UBE3D: variants seen among roughly 807,000 people sequenced by gnomAD.
UBE3D encodes E3 ubiquitin-protein ligase E3D.
UBE3D carries 48 observed loss-of-function variants against 49.6 expected under a neutral mutation model. That is an observed-to-expected ratio of 0.97 (90% CI 0.77 to 1.23). The LOEUF (loss-of-function observed/expected upper bound fraction) is 1.23, where lower values mean the gene tolerates loss of function less well. UBE3D is among the 50% of genes most tolerant of loss of function. UBE3D has a pLI of 0.00. For missense variants in UBE3D, 452 were observed against 468.4 expected (o/e 0.96, Z 0.32); for synonymous variants, 189 against 174.2 (o/e 1.08, Z -0.67).
chr6:82,988,195 G>T (rs1433587680), intron 8 of UBE3D, among the ~76,000 whole-genome samples: 2 of 152,120 alleles, frequency 1.3e-5, no homozygotes, highest in Non-Finnish European at 2.9e-5. Context: ...TTCTTCTGGG[G>T]AAGGATAAAA....
chr6:83,044,839 A>T (rs1263314171), intron 3 of UBE3D, among the ~76,000 whole-genome samples, 180 bp from the exon 4 acceptor site: 1 of 152,258 alleles, frequency 6.6e-6, no homozygotes, highest in Non-Finnish European at 1.5e-5. Flanking sequence ...GCAAGGAGGT[A>T]TAAACAAGGA....
chr6:82,884,981 T>G, the UBE3D span, among the ~76,000 whole-genome samples: 1 of 152,320 alleles, frequency 6.6e-6, no homozygotes, highest in African/African-American at 2.4e-5. Context: ...TAAAGATTTT[T>G]GCAAAAGCTT....
chr6:83,053,851 A>G (rs1166044222), intron 3 of UBE3D, among the ~76,000 whole-genome samples: 1 of 152,224 alleles, frequency 6.6e-6, no homozygotes, highest in African/African-American at 2.4e-5. Flanking sequence ...GAAATGTGAC[A>G]GGTCCCATGT....
At chr6:82,901,342 A>G (rs1201287414) in intron 9 of UBE3D, among the ~76,000 whole-genome samples, 1 of 151,970 alleles carries the variant, frequency 6.6e-6, no homozygotes, top group Non-Finnish European at 1.5e-5. Flanking sequence ...ATTGACTGAC[A>G]GTCCCAGGAA....
At chr6:83,026,463 T>A (rs1781467736) in intron 5 of UBE3D, among the ~76,000 whole-genome samples, 2 of 151,968 alleles carry the variant, frequency 1.3e-5, no homozygotes, top group South Asian at 4.2e-4. Context: ...TAAAATAGTG[T>A]TGTCAAACAA....
chr6:82,993,136 G>GAC (rs1299157574), intron 8 of UBE3D, among the ~76,000 whole-genome samples: 112 of 151,840 alleles, frequency 7.4e-4, no homozygotes, highest in African/African-American at 2.4e-3. Context: ...GAGAGAGAGA[G>GAC]AGAGACAGAG....
chr6:83,058,084 G>C lies in UBE3D; in HGVS notation c.78-62C>G. 3.2e-6 allele frequency: 5 copies of C among 1,547,998 alleles called. No individual in the cohort carries two copies. The East Asian group carries it at 1.2e-4, about 36-fold the overall frequency. ...TCACAATGAAAACCACATGATGAAA[G>C]AAACAAAAATGGCCAAGGATCTCTT... On this transcript the variant is annotated intron_variant, in intron 1 of 9. Transcript: ENST00000369747.
At chr6:82,989,491 T>G (rs1778740510) in intron 8 of UBE3D, among the ~76,000 whole-genome samples, 2 of 152,098 alleles carry the variant, frequency 1.3e-5, no homozygotes, top group Admixed American at 1.3e-4. Context: ...AACTTTTTTG[T>G]AAAGGGCCAG....
At chr6:82,976,263 T>C (rs1436318424) in intron 8 of UBE3D, among the ~76,000 whole-genome samples, 1 of 152,212 alleles carries the variant, frequency 6.6e-6, no homozygotes, top group Admixed American at 6.5e-5. Flanking sequence ...CATAATAGCC[T>C]GGTGCTATGG....
chr6:82,993,850 C>T (rs773190634), intron 8 of UBE3D, among the ~76,000 whole-genome samples: 7 of 152,190 alleles, frequency 4.6e-5, no homozygotes, highest in African/African-American at 1.7e-4. Flanking sequence ...ATTCTCTGGA[C>T]CTAGGGTTCT....
At chr6:82,908,341 G>C (rs112337975) in intron 9 of UBE3D, among the ~76,000 whole-genome samples, 5 of 152,174 alleles carry the variant, frequency 3.3e-5, no homozygotes, top group African/African-American at 1.2e-4. Context: ...CATAACTAGG[G>C]GAATGCTACT....
chr6:82,934,489 G>A (rs1189367475), intron 9 of UBE3D, among the ~76,000 whole-genome samples: 1 of 152,098 alleles, frequency 6.6e-6, no homozygotes, highest in African/African-American at 2.4e-5. Flanking sequence ...CGACTTACAT[G>A]GGGTTTCTCA....
chr6:82,964,132 CT>C (rs1776742898), intron 8 of UBE3D, among the ~76,000 whole-genome samples: 1 of 149,426 alleles, frequency 6.7e-6, no homozygotes, highest in African/African-American at 2.5e-5. Flanking sequence ...TATTTCTAAA[CT>C]TTTGCCTTGT....
intron 5 of UBE3D, among the ~76,000 whole-genome samples, chr6:83,031,696 TC>T (rs1781881670): frequency 1.3e-5 from 2 of 152,288 alleles, no homozygotes; most frequent in South Asian, 4.1e-4. Flanking sequence ...GAAAGTGACT[TC>T]AGGGCAGGTC....
intron 8 of UBE3D, among the ~76,000 whole-genome samples, chr6:82,969,906 AC>A (rs1346177509): frequency 6.6e-6 from 1 of 151,716 alleles, no homozygotes; most frequent in Non-Finnish European, 1.5e-5. Context: ...CTTTCCAGAT[AC>A]CAAAACATAT....
chr6:83,065,571 A>C, intron 1 of UBE3D, 71 bp downstream of exon 1: 1 of 1,433,682 alleles, frequency 7.0e-7, no homozygotes. Context: ...ACAGAGAGAG[A>C]CTCACCAGCC....
At chr6:83,007,264 A>T (rs2127753736) in intron 8 of UBE3D, among the ~76,000 whole-genome samples, 1 of 152,294 alleles carries the variant, frequency 6.6e-6, no homozygotes, top group East Asian at 1.9e-4. Context: ...GAAAATATTA[A>T]TAATAGTCAA....
intron 8 of UBE3D, among the ~76,000 whole-genome samples, chr6:83,001,260 A>G (rs932719370): frequency 1.5e-4 from 23 of 152,128 alleles, no homozygotes; most frequent in African/African-American, 5.3e-4. Context: ...TTTTACATTT[A>G]CTTATTTTTC....
intron 8 of UBE3D, among the ~76,000 whole-genome samples, chr6:82,961,455 G>A (rs1447446368): frequency 3.9e-5 from 6 of 152,112 alleles, no homozygotes; most frequent in Non-Finnish European, 8.8e-5. Flanking sequence ...TTAAAAATAG[G>A]AAACCAAAGG....
Sources: gnomAD v4.1 joint callset for allele counts (sites outside exome capture counted in the v4.1 genomes callset) on GRCh38, gnomAD v4.1.1 for gene constraint, MANE v1.5 for transcripts, NCBI Gene and HGNC (gene_info 2026-07-23, HGNC 2026-07-21) for gene names.